PLXDC2: variants seen among roughly 807,000 people sequenced by gnomAD.
PLXDC2 encodes the protein plexin domain containing 2.
A neutral mutation model predicts 68.9 loss-of-function variants in PLXDC2; 40 were observed. The ratio of observed to expected loss-of-function variants is 0.58; its 90% CI spans 0.45 to 0.76. PLXDC2 has a LOEUF of 0.76. PLXDC2 is among the 30% of genes least tolerant of loss of function. The pLI, the probability that PLXDC2 is intolerant of heterozygous loss-of-function variation, is 0.00. For missense variants in PLXDC2, 644 were observed against 661.9 expected, an observed-to-expected ratio of 0.97 and a Z score of 0.30; for synonymous variants, 243 against 234.2, an observed-to-expected ratio of 1.04 and a Z score of -0.34.
chr10:20,202,869 G>T (rs564601053), intron 9 of PLXDC2, among the ~76,000 whole-genome samples: 105 of 152,208 alleles, frequency 6.9e-4, no homozygotes, highest in African/African-American at 2.4e-3. Context: ...TTAGTGGATT[G>T]TCCCATTGTG....
chr10:20,207,569 T>A (rs897254181), intron 9 of PLXDC2, among the ~76,000 whole-genome samples: 2 of 152,200 alleles, frequency 1.3e-5, no homozygotes, highest in African/African-American at 4.8e-5. Flanking sequence ...GTTTTTTTCT[T>A]CTGTAGAAAA....
At chr10:19,853,658 G>C (rs1054052117) in intron 1 of PLXDC2, among the ~76,000 whole-genome samples, 3 of 147,900 alleles carry the variant, frequency 2.0e-5, no homozygotes, top group Admixed American at 6.8e-5. Context: ...TGGGTGGGGG[G>C]GGGGTTGCAA....
At chr10:20,066,536 T>A (rs1336501031) in intron 3 of PLXDC2, among the ~76,000 whole-genome samples, 1 of 152,224 alleles carries the variant, frequency 6.6e-6, no homozygotes, top group Admixed American at 6.5e-5. Context: ...AGATAAATGA[T>A]CCTGCCATTG....
chr10:20,020,015 C>CTT (rs71287311), intron 2 of PLXDC2, among the ~76,000 whole-genome samples: 13 of 148,754 alleles, frequency 8.7e-5, no homozygotes, highest in East Asian at 6.0e-4. Context: ...TCTTTTCTTG[C>CTT]TTTTTTTTTT....
intron 5 of PLXDC2, among the ~76,000 whole-genome samples, chr10:20,146,681 C>T (rs966783012): frequency 6.6e-6 from 1 of 151,904 alleles, no homozygotes; most frequent in East Asian, 1.9e-4. Flanking sequence ...AAAGTTTTGC[C>T]TCAAAAGAAA....
chr10:19,941,969 T>TAAAAA (rs1833826899), intron 1 of PLXDC2, among the ~76,000 whole-genome samples: 1 of 147,484 alleles, frequency 6.8e-6, no homozygotes. Context: ...CCTTTGACAT[T>TAAAAA]TAGAGAAAAA....
At chr10:19,949,123 CAAAAAAAAAA>C (rs60138814) in intron 1 of PLXDC2, among the ~76,000 whole-genome samples, 3 of 82,920 alleles carry the variant, frequency 3.6e-5, no homozygotes, top group South Asian at 4.5e-4. Flanking sequence ...GAGACTTTGT[CAAAAAAAAAA>C]AAAAAAAAAA....
intron 1 of PLXDC2, among the ~76,000 whole-genome samples, chr10:19,903,656 TG>T (rs1315104144): frequency 6.6e-6 from 1 of 151,798 alleles, no homozygotes; most frequent in Admixed American, 6.6e-5. Flanking sequence ...TTTATATTTT[TG>T]TTTGTTTGTT....
intron 4 of PLXDC2, among the ~76,000 whole-genome samples, chr10:20,128,409 G>A (rs551273792): frequency 1.9e-4 from 29 of 152,066 alleles, no homozygotes; most frequent in Non-Finnish European, 3.4e-4. Flanking sequence ...TATTTAAGAT[G>A]CACAATATAG....
intron 4 of PLXDC2, among the ~76,000 whole-genome samples, chr10:20,072,543 G>GAA (rs67317026): frequency 1.7e-5 from 1 of 58,964 alleles, no homozygotes; most frequent in Non-Finnish European, 2.9e-5. Context: ...AAGAAAGAAA[G>GAA]AAAGAAAGAA....
intron 4 of PLXDC2, among the ~76,000 whole-genome samples, chr10:20,097,493 C>T (rs1833366363): frequency 6.6e-6 from 1 of 152,124 alleles, no homozygotes. Flanking sequence ...TTTCCCATTT[C>T]CTGAATGTAA....
intron 1 of PLXDC2, among the ~76,000 whole-genome samples, chr10:19,882,885 G>A (rs1247573578): frequency 6.7e-6 from 1 of 149,082 alleles, no homozygotes; most frequent in Non-Finnish European, 1.5e-5. Flanking sequence ...TCTTGGTTTT[G>A]TTTTTGCTTT....
chr10:19,986,564 GACATAC>G (rs71388883), intron 1 of PLXDC2, among the ~76,000 whole-genome samples: 55,341 of 137,094 alleles, frequency 0.4, 11,400 homozygotes, highest in Middle Eastern at 0.54. Context: ...AAAAGAAAAA[GACATAC>G]AAAAAGAAAT....
chr10:19,839,112 G>A (rs898699821), intron 1 of PLXDC2, among the ~76,000 whole-genome samples: 3 of 151,502 alleles, frequency 2.0e-5, no homozygotes, highest in Admixed American at 6.6e-5. Context: ...CTTGAACTTG[G>A]GAAGCAGGGG....
At chr10:20,075,762 A>C (rs1836430854) in intron 4 of PLXDC2, among the ~76,000 whole-genome samples, 2 of 152,218 alleles carry the variant, frequency 1.3e-5, no homozygotes, top group South Asian at 4.1e-4. Context: ...GCATTGGCAC[A>C]TGATGGATAA....
At chr10:20,093,308 T>C (rs1211002190) in intron 4 of PLXDC2, among the ~76,000 whole-genome samples, 1 of 152,200 alleles carries the variant, frequency 6.6e-6, no homozygotes, top group Non-Finnish European at 1.5e-5. Context: ...GGAGAATGTA[T>C]GAGAAATATT....
chr10:19,855,707 C>A (rs1428787260), intron 1 of PLXDC2, among the ~76,000 whole-genome samples: 1 of 152,096 alleles, frequency 6.6e-6, no homozygotes, highest in Non-Finnish European at 1.5e-5. Flanking sequence ...TTGGGATTTT[C>A]AAATTTGGAA....
At chr10:20,103,193 T>C (rs1833445253) in intron 4 of PLXDC2, among the ~76,000 whole-genome samples, 4 of 152,202 alleles carry the variant, frequency 2.6e-5, no homozygotes, top group African/African-American at 4.8e-5. Context: ...TTTTAATTTT[T>C]ATTTATTTTC....
At chr10:20,022,103 C>A (rs1835321456) in intron 2 of PLXDC2, among the ~76,000 whole-genome samples, 2 of 152,228 alleles carry the variant, frequency 1.3e-5, no homozygotes, top group African/African-American at 4.8e-5. Context: ...AATGATACCT[C>A]ATTTACTCTC....
Sources: gnomAD v4.1 joint callset for allele counts (sites outside exome capture counted in the v4.1 genomes callset) on GRCh38, gnomAD v4.1.1 for gene constraint, MANE v1.5 for transcripts, NCBI Gene and HGNC (gene_info 2026-07-23, HGNC 2026-07-21) for gene names.